The following SIX4 variants were observed in gnomAD, a reference collection of about 807,000 sequenced individuals.
SIX4 encodes SIX homeobox 4.
SIX4 carries 23 observed loss-of-function variants against 51.5 expected under a neutral mutation model. The ratio of observed to expected loss-of-function variants is 0.45; its 90% CI spans 0.32 to 0.63. The LOEUF is 0.63. Among genes scored for constraint, SIX4 ranks in the 30% least tolerant of loss-of-function variants. The probability of loss-of-function intolerance (pLI) is 0.04; values close to 1 mark genes in which losing one functional copy is unlikely to be tolerated. For missense variants in SIX4, 867 were observed against 984.0 expected (o/e 0.88, Z 1.59); for synonymous variants, 413 against 417.3 (o/e 0.99, Z 0.13).
chr14:60,714,878 A>G (rs1268029175), intron 2 of SIX4, among the ~76,000 whole-genome samples: 1 of 150,734 alleles, frequency 6.6e-6, no homozygotes, highest in African/African-American at 2.4e-5. Flanking sequence ...GTTGGCCAGG[A>G]TAGTCTCAAT....
Position 60,720,505 on chromosome 14 carries a change from G to C in SIX4, c.864-60C>G. On this transcript the variant is annotated intron_variant, in intron 1 of 2. Coordinates refer to ENST00000216513, the MANE Select transcript of SIX4 (RefSeq NM_017420.5). The surrounding 1 kb of genome is among the most constrained non-coding windows in gnomAD (Gnocchi z 5.5). ...TCAGGGGGATGACATTCTACACAGTGCCACTTGTTTGGAAAACCAGCTTCT... is the reference window on the plus strand; with the variant it reads ...TCAGGGGGATGACATTCTACACAGTCCCACTTGTTTGGAAAACCAGCTTCT... The C allele has an allele frequency of 6.7e-7, 1 of 1,493,110 alleles. No individual in the cohort carries two copies. Among genetic ancestry groups the C allele is most frequent in the Admixed American group, 2.1e-5 (1 of 46,766 alleles). The allele number at this position is 1,493,110 out of a possible 1,614,324, so 92.5% of individuals were successfully genotyped here. A position where few individuals can be genotyped will look rare whatever the true frequency, so the allele number is the denominator to read the frequency against.
chr14:60,714,252 GA>G (rs765748852), intron 2 of SIX4, 49 bp from the exon 3 acceptor site: 10 of 1,477,286 alleles, frequency 6.8e-6, no homozygotes, highest in African/African-American at 1.4e-5. Flanking sequence ...GAGAGGGAAA[GA>G]AAAAAAGTTA....
At position 60,717,609 on chromosome 14, in the gene SIX4, T is replaced by C. The variant is rs1404503796; in HGVS notation, c.1549+2151A>G. ...ATAACATATATAAAAGAGAATTTGATCTAAAATTTGATTTTTGAGCATAAC... is the reference window on the plus strand; with the variant it reads ...ATAACATATATAAAAGAGAATTTGACCTAAAATTTGATTTTTGAGCATAAC... On this transcript the variant is annotated intron_variant, in intron 2 of 2. Coordinates refer to ENST00000216513, the MANE Select transcript of SIX4 (RefSeq NM_017420.5). This position sits in a 1 kb window ranked among gnomAD's most constrained non-coding sequence, Gnocchi z 4.6. 1.1e-4 allele frequency among the ~76,000 whole-genome samples: 16 copies of C among 151,814 alleles called. No homozygotes were observed. The highest frequency in any genetic ancestry group is 3.0e-5 in the Non-Finnish European group (2 of 67,750).
At position 60,722,522 on chromosome 14, in the gene SIX4, A is replaced by C. The variant is rs531554144; in HGVS notation, c.863+690T>G. ...GGAGTTCAGAATCAGGTTTCAAAAC[A>C]TGACAGAGCCGAGCTGCACCAGCAC... On this transcript the variant is annotated intron_variant, in intron 1 of 2. Transcript: ENST00000216513. This position sits in a 1 kb window ranked among gnomAD's most constrained non-coding sequence, Gnocchi z 5.9. Among the ~76,000 whole-genome samples, 83 of 152,258 alleles carry C rather than the reference A, an allele frequency of 5.5e-4. No individual in the cohort carries two copies. Among genetic ancestry groups the C allele is most frequent in the African/African-American group, 1.9e-3 (81 of 41,558 alleles).
chr14:60,716,843 A>G (rs755693581), intron 2 of SIX4, among the ~76,000 whole-genome samples: 3 of 152,234 alleles, frequency 2.0e-5, no homozygotes, highest in African/African-American at 4.8e-5. Flanking sequence ...AAATATTTTT[A>G]ATGCAAAGGA....
chr14:60,716,651 G>C (rs1018794610), intron 2 of SIX4, among the ~76,000 whole-genome samples: 1 of 151,694 alleles, frequency 6.6e-6, no homozygotes, highest in Admixed American at 6.6e-5. Flanking sequence ...GCCTCCCAAA[G>C]TGTTAGAATT....
rs1258673475 is a variant in SIX4, at chr14:60,710,174, A to G, written c.*3233T>C. ...CAGGGCAGGCTGCCACACATGCCCA[A>G]TAATCCAACTTTTAACATGCAAGAT... On this transcript the variant is annotated 3_prime_UTR_variant, in exon 3 of 3. Transcript: ENST00000216513. 6.6e-6 allele frequency: 1 copy of G among 152,648 alleles called. No individual in the cohort carries two copies. The highest frequency in any genetic ancestry group is 1.5e-5 in the Non-Finnish European group (1 of 68,038). The allele number at this position is 152,648 out of a possible 1,614,324, so 9.5% of individuals were successfully genotyped here.
rs1305392879 is a variant in SIX4, at chr14:60,713,107, T to C, written c.*300A>G. 8.0e-6 allele frequency: 2 copies of C among 248,620 alleles called. No homozygotes were observed. Among genetic ancestry groups the C allele is most frequent in the Non-Finnish European group, 1.5e-5 (2 of 131,640 alleles). The allele number at this position is 248,620 out of a possible 1,614,324, so 15.4% of individuals were successfully genotyped here. ...ATTTAAAAAACTATCAAGTTCCATT[T>C]TGACCTTAGAATTATAGAGTCAACT... On this transcript the variant is annotated 3_prime_UTR_variant, in exon 3 of 3. Transcript: ENST00000216513.
rs368881507 is a variant in SIX4 at position 60,712,810 on chromosome 14, C to G, written c.*597G>C. On this transcript the variant is annotated 3_prime_UTR_variant, in exon 3 of 3. Coordinates refer to ENST00000216513, the MANE Select transcript of SIX4 (RefSeq NM_017420.5). ...AGTTTCAGAGTTTTTAGTGGAGTTC[C>G]GCACTTTCTCAGCCACACTGAGCTA... 1 of 152,282 alleles carries G rather than the reference C, an allele frequency of 6.6e-6. No individual in the cohort carries two copies. The highest frequency in any genetic ancestry group is 1.5e-5 in the Non-Finnish European group (1 of 68,024). The allele number at this position is 152,282 out of a possible 1,614,324, so 9.4% of individuals were successfully genotyped here.
At position 60,712,976 on chromosome 14, in the gene SIX4, T is replaced by C. The variant is rs1352989245; in HGVS notation, c.*431A>G. ...AAAAATATGTACCATTTATGTTTCT[T>C]AACCTTTTCAATGCCCATGGAGTAA... On this transcript the variant is annotated 3_prime_UTR_variant, in exon 3 of 3. Coordinates refer to ENST00000216513, the MANE Select transcript of SIX4 (RefSeq NM_017420.5). The C allele has an allele frequency of 1.3e-5, 2 of 156,286 alleles. No individual in the cohort carries two copies. The highest frequency in any genetic ancestry group is 2.8e-5 in the Non-Finnish European group (2 of 70,662). The allele number at this position is 156,286 out of a possible 1,614,324, so 9.7% of individuals were successfully genotyped here.
chr14:60,724,326 C>T lies in SIX4; in HGVS notation c.-252G>A. The T allele has an allele frequency of 3.4e-6, 5 of 1,482,964 alleles. 1 individual carries two copies. The allele number at this position is 1,482,964 out of a possible 1,614,324, so 91.9% of individuals were successfully genotyped here. Reference sequence around the variant, plus strand: ...TTTCTGCCGTTCCCCCAACGTGACTCCTCCGGTTGCTGCATACTATATGGC... The same window carrying T: ...TTTCTGCCGTTCCCCCAACGTGACTTCTCCGGTTGCTGCATACTATATGGC... On this transcript the variant is annotated 5_prime_UTR_variant, in exon 1 of 3. Transcript: ENST00000216513.
rs1895845736 is a variant in SIX4, at chr14:60,712,729, T to C, written c.*678A>G. 6.6e-6 allele frequency: 1 copy of C among 152,566 alleles called. No individual in the cohort carries two copies. Among genetic ancestry groups the C allele is most frequent in the African/African-American group, 2.4e-5 (1 of 41,440 alleles). The allele number at this position is 152,566 out of a possible 1,614,324, so 9.5% of individuals were successfully genotyped here. A position where few individuals can be genotyped will look rare whatever the true frequency, so the allele number is the denominator to read the frequency against. The stretch of plus-strand genomic sequence containing the variant: ...GAAACATATACATTAAAAATAAAAT[T>C]CACTGTAATTACTCAAATCCTGCTT... On this transcript the variant is annotated 3_prime_UTR_variant, in exon 3 of 3. Transcript: ENST00000216513.
In SIX4 at chr14:60,714,174, C is replaced by T; in HGVS notation, c.1579G>A (p.Asp527Asn). ...GACTCACTTGTAAATGTGCTTCCAT[C>T]TGAAGTGCTTGAGCTTACTGAGATA... ...GNISVSSSTS[D>N]GSTFTSESTT... is the part of the protein sequence containing the mutation. Residue 527 changes from aspartate (D) to asparagine (N), a missense_variant, in exon 3 of 3, where the codon GAT becomes AAT. Coordinates refer to ENST00000216513, the MANE Select transcript of SIX4 (RefSeq NM_017420.5). 1 of 1,604,534 alleles carries T rather than the reference C, an allele frequency of 6.2e-7. No homozygotes were observed. The highest frequency in any genetic ancestry group is 8.5e-7 in the Non-Finnish European group (1 of 1,178,078).
chr14:60,720,460 A>G lies in SIX4; in HGVS notation c.864-15T>C, dbSNP rs774946419. 2 of 1,601,202 alleles carry G rather than the reference A, an allele frequency of 1.2e-6. No homozygotes were observed. The highest frequency in any genetic ancestry group is 2.2e-5 in the East Asian group (1 of 44,776). On this transcript the variant is annotated splice_polypyrimidine_tract_variant and intron_variant, in intron 1 of 2. Coordinates refer to ENST00000216513, the MANE Select transcript of SIX4 (RefSeq NM_017420.5). This position sits in a 1 kb window ranked among gnomAD's most constrained non-coding sequence, Gnocchi z 5.5. Reference sequence around the variant, plus strand: ...CATCTGACTCACTGTATGGAGGGGGAAATCAAAATGTTCAGAAGGTCAGGG... The same window carrying G: ...CATCTGACTCACTGTATGGAGGGGGGAATCAAAATGTTCAGAAGGTCAGGG...
At position 60,723,835 on chromosome 14, in the gene SIX4, C is replaced by T. The variant is rs750648116; in HGVS notation, c.240G>A (p.Ala80=). 5.3e-6 allele frequency: 8 copies of T among 1,521,798 alleles called. No homozygotes were observed. The Admixed American group carries it at 1.6e-4, about 30-fold the overall frequency. 94.3% of individuals were successfully genotyped at this position (1,521,798 alleles called of 1,614,324 possible). ...GAVAAAAAGA[A]ADQVQLHSEL... Reference sequence around the variant, plus strand: ...CCGAGTGGAGTTGTACCTGATCCGCCGCCGCTCCGGCCGCCGCCGCCGCCA... The same window carrying T: ...CCGAGTGGAGTTGTACCTGATCCGCTGCCGCTCCGGCCGCCGCCGCCGCCA... Residue 80 remains alanine, a synonymous_variant, in exon 1 of 3, where the codon GCG becomes GCA. Transcript: ENST00000216513.
Position 60,722,947 on chromosome 14 carries a change from G to A in SIX4, c.863+265C>T. 1 of 530,470 alleles carries A rather than the reference G, an allele frequency of 1.9e-6. No homozygotes were observed. Among genetic ancestry groups the A allele is most frequent in the Non-Finnish European group, 3.2e-6 (1 of 313,826 alleles). The allele number at this position is 530,470 out of a possible 1,614,324, so 32.9% of individuals were successfully genotyped here. ...CTGGGCAGCAGTGACCAGCCGAGGT[G>A]GGGGCGGGGACTGAGACCTAGGCGG... On this transcript the variant is annotated intron_variant, in intron 1 of 2. Transcript: ENST00000216513. This position sits in a 1 kb window ranked among gnomAD's most constrained non-coding sequence, Gnocchi z 5.9.
rs1441666322 is a variant in SIX4 at position 60,724,053 on chromosome 14, C to T, written c.22G>A (p.Gly8Arg). 6.5e-7 allele frequency: 1 copy of T among 1,542,076 alleles called. No homozygotes were observed. The highest frequency in any genetic ancestry group is 2.3e-5 in the East Asian group (1 of 44,102). Residue 8 changes from glycine (G) to arginine (R), a missense_variant, in exon 1 of 3, where the codon GGG becomes AGG. Physicochemically the swap from Gly to Arg is moderately radical, Grantham distance 125. Transcript: ENST00000216513. ...ATGTCCGCCGCACTTGCGATCTGCCCGGTGGGGGAGGAAGAGGACATTTTT... is the reference window on the plus strand; with the variant it reads ...ATGTCCGCCGCACTTGCGATCTGCCTGGTGGGGGAGGAAGAGGACATTTTT... MSSSSPT[G>R]QIASAADIKQ...
chr14:60,713,651 G>A lies in SIX4; in HGVS notation c.2102C>T (p.Pro701Leu). ...TAEDQVGHPS[P>L]AVHQDFVQEH... ...TTGGACAAAATCCTGATGTACTGCT[G>A]GGGAGGGGTGACCTACCTGATCTTC... Residue 701 changes from proline to leucine, a missense_variant, in exon 3 of 3, where the codon CCA becomes CTA. Pro to Leu is a moderately conservative substitution (Grantham distance 98, BLOSUM62 -3). Transcript: ENST00000216513. The A allele has an allele frequency of 6.2e-7, 1 of 1,614,232 alleles. No individual in the cohort carries two copies. Among genetic ancestry groups the A allele is most frequent in the Non-Finnish European group, 8.5e-7 (1 of 1,180,042 alleles).
In SIX4 at chr14:60,713,661, G is replaced by C; in HGVS notation, c.2092C>G (p.His698Asp). The C allele has an allele frequency of 2.5e-6, 4 of 1,614,180 alleles. No individual in the cohort carries two copies. Among genetic ancestry groups the C allele is most frequent in the Non-Finnish European group, 2.5e-6 (3 of 1,180,022 alleles). ...TCCTGATGTACTGCTGGGGAGGGGT[G>C]ACCTACCTGATCTTCAGCTGTAGGA... ...IVPTAEDQVG[H>D]PSPAVHQDFV... Residue 698 changes from histidine to aspartate, a missense_variant, in exon 3 of 3, where the codon CAC (histidine) becomes GAC (aspartate). Coordinates refer to ENST00000216513, the MANE Select transcript of SIX4 (RefSeq NM_017420.5).
Sources: allele counts gnomAD v4.1 joint callset (sites outside exome capture counted in the v4.1 genomes callset), GRCh38; gene constraint gnomAD v4.1.1; non-coding constraint Gnocchi (gnomAD v3.1); transcripts MANE v1.5; gene names NCBI Gene and HGNC (gene_info 2026-07-23, HGNC 2026-07-21).